Variants in NXPE4 observed in about 807,000 individuals in gnomAD.
The protein encoded by NXPE4 is NXPE family member 4.
In NXPE4, 42 loss-of-function variants were observed where a neutral mutation model predicts 33.3. The observed-to-expected ratio is 1.26, with a 90% CI of 0.98 to 1.63. NXPE4 has a LOEUF of 1.63. Among genes scored for constraint, NXPE4 ranks in the 40% most tolerant of loss-of-function variants. The pLI is 0.00. For synonymous variants in NXPE4, 253 were observed against 234.9 expected, an observed-to-expected ratio of 1.08 and a Z score of -0.71; for missense variants, 709 against 647.6, an observed-to-expected ratio of 1.09 and a Z score of -1.03.
the NXPE4 span, among the ~76,000 whole-genome samples, chr11:114,620,489 G>A: frequency 6.6e-6 from 1 of 151,682 alleles, no homozygotes; most frequent in East Asian, 1.9e-4. Context: ...TTGCCCGGTG[G>A]ATAATAAGTG....
At chr11:114,627,880 A>T in the NXPE4 span, among the ~76,000 whole-genome samples, 9 of 151,802 alleles carry the variant, frequency 5.9e-5, no homozygotes, top group African/African-American at 2.2e-4. Flanking sequence ...CTAGTCTCTG[A>T]TAAAACAGAC....
chr11:114,604,159 T>A, the NXPE4 span, among the ~76,000 whole-genome samples: 4 of 152,042 alleles, frequency 2.6e-5, no homozygotes, highest in Non-Finnish European at 1.5e-5. Flanking sequence ...GGAAAATAAG[T>A]ATTGCCTCGC....
At chr11:114,668,384 A>G in the NXPE4 span, among the ~76,000 whole-genome samples, 7 of 151,986 alleles carry the variant, frequency 4.6e-5, no homozygotes, top group Non-Finnish European at 5.9e-5. Flanking sequence ...CTATGAGATA[A>G]TAAATGTTTA....
intron 2 of NXPE4, among the ~76,000 whole-genome samples, chr11:114,593,737 G>C (rs918559755): frequency 1.1e-4 from 16 of 152,084 alleles, no homozygotes; most frequent in African/African-American, 3.1e-4. Context: ...GTTTATTGCA[G>C]CACTGATAAC....
chr11:114,669,102 A>G, the NXPE4 span, among the ~76,000 whole-genome samples: 4 of 152,090 alleles, frequency 2.6e-5, no homozygotes, highest in Non-Finnish European at 4.4e-5. Context: ...CAAAAACAAT[A>G]GAAATCAAGA....
rs1357694347 is a variant in NXPE4 at position 114,575,365 on chromosome 11, T to C, written c.1100-3892A>G. 2.0e-5 allele frequency among the ~76,000 whole-genome samples: 3 copies of C among 151,894 alleles called. 1 individual carries two copies. The highest frequency in any genetic ancestry group is 4.4e-5 in the Non-Finnish European group (3 of 67,920). ...AAAGCAATCAGACAAAAGGAAGAAA[T>C]AAAGGACATCCGAATTGGTAAAGAG... On this transcript the variant is annotated intron_variant, in intron 5 of 5. Transcript: ENST00000375478.
At chr11:114,633,216 TTA>T in the NXPE4 span, among the ~76,000 whole-genome samples, 11 of 132,674 alleles carry the variant, frequency 8.3e-5, no homozygotes, top group Non-Finnish European at 1.4e-4. Flanking sequence ...GTATATTACA[TTA>T]TATATATAAA....
the NXPE4 span, among the ~76,000 whole-genome samples, chr11:114,639,749 T>C: frequency 3.8e-3 from 496 of 128,978 alleles, 7 homozygotes; most frequent in Non-Finnish European, 6.6e-3. Flanking sequence ...TAATATATAA[T>C]ATATATTATA....
chr11:114,674,090 A>AAAACAAAC, the NXPE4 span, among the ~76,000 whole-genome samples: 90 of 131,886 alleles, frequency 6.8e-4, no homozygotes, highest in South Asian at 1.9e-3. Context: ...ACATTGTTTA[A>AAAACAAAC]AAACAAACAA....
intron 2 of NXPE4, chr11:114,583,992 A>T: frequency 5.4e-6 from 2 of 370,554 alleles, no homozygotes; most frequent in Non-Finnish European, 1.1e-5. Flanking sequence ...GTCATGTCCA[A>T]AGTAATAGAG....
At chr11:114,602,307 A>G in the NXPE4 span, among the ~76,000 whole-genome samples, 1 of 116,184 alleles carries the variant, frequency 8.6e-6, no homozygotes, top group East Asian at 2.3e-4. Context: ...CATATACTAT[A>G]TATAATATAT....
chr11:114,594,581 T>C, intron 2 of NXPE4, 83 bp downstream of exon 2: 7 of 852,178 alleles, frequency 8.2e-6, no homozygotes, highest in Non-Finnish European at 1.4e-5. Context: ...TCTACAAGTC[T>C]TGTAGTTTAG....
the NXPE4 span, among the ~76,000 whole-genome samples, chr11:114,669,519 C>T: frequency 5.3e-5 from 8 of 152,058 alleles, no homozygotes; most frequent in African/African-American, 1.9e-4. Context: ...GTCCTGGACT[C>T]TCTTTCTCTA....
At chr11:114,576,126 G>A (rs1220948837) in intron 5 of NXPE4, among the ~76,000 whole-genome samples, 1 of 152,100 alleles carries the variant, frequency 6.6e-6, no homozygotes, top group Non-Finnish European at 1.5e-5. Context: ...AACAAATGGT[G>A]CTGGGATAAT....
chr11:114,669,982 C>G, the NXPE4 span, among the ~76,000 whole-genome samples: 1,388 of 152,108 alleles, frequency 9.1e-3, 19 homozygotes, highest in African/African-American at 0.032. Context: ...AGCTCCTTGA[C>G]AGTAACAAGC....
At chr11:114,639,712 T>C in the NXPE4 span, among the ~76,000 whole-genome samples, 1 of 132,240 alleles carries the variant, frequency 7.6e-6, no homozygotes, top group South Asian at 2.3e-4. Flanking sequence ...TATTCTATAA[T>C]ATATAATATA....
chr11:114,613,124 G>T, the NXPE4 span, among the ~76,000 whole-genome samples: 1 of 151,394 alleles, frequency 6.6e-6, no homozygotes, highest in Non-Finnish European at 1.5e-5. Context: ...TAACCAGGTG[G>T]ATAATAAGTA....
the NXPE4 span, among the ~76,000 whole-genome samples, chr11:114,614,441 G>T: frequency 1.3e-5 from 2 of 151,988 alleles, no homozygotes; most frequent in African/African-American, 4.8e-5. Context: ...ATTGCCTCGT[G>T]GGTAACCACT....
At chr11:114,630,761 C>T in the NXPE4 span, among the ~76,000 whole-genome samples, 12 of 151,776 alleles carry the variant, frequency 7.9e-5, no homozygotes, top group Admixed American at 2.6e-4. Flanking sequence ...AGAAAATCTT[C>T]GCAACCTACT....
Sources: allele counts gnomAD v4.1 joint callset (sites outside exome capture counted in the v4.1 genomes callset), GRCh38; gene constraint gnomAD v4.1.1; transcripts MANE v1.5; gene names NCBI Gene and HGNC (gene_info 2026-07-23, HGNC 2026-07-21).